Variants in FAM131A observed in about 807,000 individuals in gnomAD.
FAM131A encodes protein FAM131A.
In FAM131A, 24 loss-of-function variants were observed where a neutral mutation model predicts 39.2. The observed-to-expected ratio is 0.61, with a 90% confidence interval of 0.44 to 0.86. The LOEUF (loss-of-function observed/expected upper bound fraction) is 0.86, where lower values mean the gene tolerates loss of function less well. Among genes scored for constraint, FAM131A ranks in the 40% least tolerant of loss-of-function variants. The probability of loss-of-function intolerance (pLI) is 0.00; values close to 1 mark genes in which losing one functional copy is unlikely to be tolerated. For synonymous variants in FAM131A, 202 were observed against 206.8 expected, an observed-to-expected ratio of 0.98 and a Z score of 0.20; for missense variants, 373 against 481.2, an observed-to-expected ratio of 0.78 and a Z score of 2.10.
chr3:184,338,034 G>A (rs188470962), intron 1 of FAM131A, among the ~76,000 whole-genome samples: 6 of 150,570 alleles, frequency 4.0e-5, no homozygotes, highest in South Asian at 2.1e-4. Context: ...TGGCGGTGGT[G>A]GGGGGGACAG....
intron 3 of FAM131A, 79 bp downstream of exon 3, chr3:184,341,896 TG>T: frequency 6.5e-7 from 1 of 1,541,346 alleles, no homozygotes; most frequent in South Asian, 1.1e-5. Flanking sequence ...CTGTTTCCTG[TG>T]AGTACATGCT....
In FAM131A at chr3:184,342,911, G is replaced by T; in HGVS notation, c.625+51G>T. On this transcript the variant is annotated intron_variant, in intron 5 of 5. Coordinates refer to ENST00000383847, the MANE Select transcript of FAM131A (RefSeq NM_144635.5). This position sits in a 1 kb window ranked among gnomAD's most constrained non-coding sequence, Gnocchi z 4.6. ...GTGGTGGACCCACCTGATAGACCTT[G>T]GCATTCTTTCAGAGCCACATCCAGA... 1 of 1,497,186 alleles carries T rather than the reference G, an allele frequency of 6.7e-7. No individual in the cohort carries two copies. The highest frequency in any genetic ancestry group is 1.1e-5 in the South Asian group (1 of 88,364). 92.7% of individuals were successfully genotyped at this position (1,497,186 alleles called of 1,614,324 possible).
Position 184,342,041 on chromosome 3 carries a change from C to T in FAM131A, c.326-25C>T, listed in dbSNP as rs1553852728. 2 of 1,614,126 alleles carry T rather than the reference C, an allele frequency of 1.2e-6. No homozygotes were observed. The highest frequency in any genetic ancestry group is 1.1e-5 in the South Asian group (1 of 91,084). On this transcript the variant is annotated intron_variant, in intron 3 of 5. Coordinates refer to ENST00000383847, the MANE Select transcript of FAM131A (RefSeq NM_144635.5). This position sits in a 1 kb window ranked among gnomAD's most constrained non-coding sequence, Gnocchi z 4.6. ...CTCCCTGGCCTGGTCCTTTACCAGG[C>T]TTCTCCACCCTCCCCTATCTCCAGG...
chr3:184,341,499 A>T (rs1727376081), intron 2 of FAM131A: 2 of 582,930 alleles, frequency 3.4e-6, no homozygotes. Flanking sequence ...GATTAGCTGA[A>T]GTTTTGCTTC....
chr3:184,344,298 T>C (rs1284715920), intron 5 of FAM131A, among the ~76,000 whole-genome samples, 197 bp from the exon 6 acceptor site: 1 of 152,214 alleles, frequency 6.6e-6, no homozygotes, highest in Non-Finnish European at 1.5e-5. Flanking sequence ...TGCGAGACTC[T>C]TGTTCTTGTA....
At chr3:184,338,739 A>G (rs1330048816) in intron 2 of FAM131A, 1 of 552,546 alleles carries the variant, frequency 1.8e-6, no homozygotes, top group Admixed American at 3.7e-5. Context: ...TTCCGCGCTG[A>G]CGTCAGCGCA....
intron 5 of FAM131A, among the ~76,000 whole-genome samples, 186 bp from the exon 6 acceptor site, chr3:184,344,309 T>C (rs1282334591): frequency 1.3e-5 from 2 of 152,162 alleles, no homozygotes; most frequent in African/African-American, 2.4e-5. Context: ...TGTTCTTGTA[T>C]TGTTAGAATC....
At position 184,342,169 on chromosome 3, in the gene FAM131A, C is replaced by T. The variant is rs775837271; in HGVS notation, c.429C>T (p.Asp143=). The change falls in exon 4 of 6, where the codon GAC becomes GAT. Residue 143 remains aspartate, a synonymous_variant. Coordinates refer to ENST00000383847, the MANE Select transcript of FAM131A (RefSeq NM_144635.5). This position sits in a 1 kb window ranked among gnomAD's most constrained non-coding sequence, Gnocchi z 4.6. ...GGAAGGGCTGGAGCAAGCCGAGTGA[C>T]TCACCTGCTGCCCTGGAATCAGCCT... ...IEWKGWSKPS[D]SPAALESAFS... 1.5e-5 allele frequency: 25 copies of T among 1,614,272 alleles called. 1 individual carries two copies. In the South Asian group the frequency reaches 2.6e-4, roughly 17 times the overall value.
At position 184,344,913 on chromosome 3, in the gene FAM131A, G is replaced by C. The variant is rs1161064996; in HGVS notation, c.1044G>C (p.Leu348=). ...AACGGCAGCGGCAAGCCTCTGACCT[G>C]GCCTCTTCTGGGGTGGTGTCCTTAG... is the stretch of plus-strand genomic sequence containing the variant. ...SWERQRQASD[L]ASSGVVSLDE... is the part of the protein sequence containing the mutation. Residue 348 remains leucine (L), a synonymous_variant, in exon 6 of 6, where the codon CTG becomes CTC. Coordinates refer to ENST00000383847, the MANE Select transcript of FAM131A (RefSeq NM_144635.5). 6.2e-7 allele frequency: 1 copy of C among 1,605,596 alleles called. No individual in the cohort carries two copies. Among genetic ancestry groups the C allele is most frequent in the Non-Finnish European group, 8.5e-7 (1 of 1,179,062 alleles).
Position 184,342,052 on chromosome 3 carries a change from T to TC in FAM131A, c.326-10dup. The TC allele has an allele frequency of 6.2e-7, 1 of 1,613,930 alleles. No homozygotes were observed. Among genetic ancestry groups the TC allele is most frequent in the Non-Finnish European group, 8.5e-7 (1 of 1,179,950 alleles). On this transcript the variant is annotated splice_polypyrimidine_tract_variant and intron_variant, in intron 3 of 5. Coordinates refer to ENST00000383847, the MANE Select transcript of FAM131A (RefSeq NM_144635.5). The surrounding 1 kb of genome is among the most constrained non-coding windows in gnomAD (Gnocchi z 4.6). ...GGTCCTTTACCAGGCTTCTCCACCC[T>TC]CCCCTATCTCCAGGTATTTCCCAGG...
intron 2 of FAM131A, 177 bp downstream of exon 2, chr3:184,338,706 C>G (rs1037718470): frequency 1.3e-6 from 1 of 749,788 alleles, no homozygotes; most frequent in Non-Finnish European, 2.0e-6. Context: ...CGGCGCTGTG[C>G]CAGCAGGCGG....
intron 2 of FAM131A, 45 bp from the exon 3 acceptor site, chr3:184,341,679 C>G: frequency 6.5e-7 from 1 of 1,543,838 alleles, no homozygotes; most frequent in Non-Finnish European, 8.8e-7. Flanking sequence ...GGGGGAAGGT[C>G]ATTGCTGTCA....
At chr3:184,337,335 C>T (rs535706729), upstream of FAM131A, 88 of 301,806 alleles carry the variant, frequency 2.9e-4, no homozygotes, top group African/African-American at 1.2e-3. Context: ...AACAGCTGGC[C>T]GAGGCTCAGG....
intron 2 of FAM131A, 59 bp downstream of exon 2, chr3:184,338,588 A>T (rs1223678045): frequency 1.3e-6 from 2 of 1,511,152 alleles, no homozygotes; most frequent in East Asian, 5.0e-5. Flanking sequence ...GGGGATCTGC[A>T]GCCCCCACCC....
intron 1 of FAM131A, 89 bp from the exon 2 acceptor site, chr3:184,338,298 G>A: frequency 1.5e-6 from 2 of 1,338,936 alleles, no homozygotes; most frequent in South Asian, 1.8e-5. Flanking sequence ...TGGGGGAGGG[G>A]CCGAGAAATG....
chr3:184,338,264 A>T, intron 1 of FAM131A, 123 bp from the exon 2 acceptor site: 1 of 1,045,180 alleles, frequency 9.6e-7, no homozygotes, highest in Non-Finnish European at 1.3e-6. Flanking sequence ...GAGAGCACTC[A>T]GTGGGCGCTG....
Position 184,344,489 on chromosome 3 carries a change from TC to T in FAM131A, c.626-5del, listed in dbSNP as rs2108548757. Reference sequence around the variant, plus strand: ...AGGACTGTCTTCTTTTCTCTTCTCCTCACAGACATGGCTGGGCAGCTGCCCC... The same window carrying T: ...AGGACTGTCTTCTTTTCTCTTCTCCTACAGACATGGCTGGGCAGCTGCCCC... On this transcript the variant is annotated splice_region_variant and splice_polypyrimidine_tract_variant and intron_variant, in intron 5 of 5. Coordinates refer to ENST00000383847, the MANE Select transcript of FAM131A (RefSeq NM_144635.5). The T allele has an allele frequency of 6.6e-7, 1 of 1,518,902 alleles. No individual in the cohort carries two copies. Among genetic ancestry groups the T allele is most frequent in the East Asian group, 2.3e-5 (1 of 43,932 alleles). The allele number at this position is 1,518,902 out of a possible 1,614,324, so 94.1% of individuals were successfully genotyped here. A position where few individuals can be genotyped will look rare whatever the true frequency, so the allele number is the denominator to read the frequency against.
In FAM131A at chr3:184,345,384, T is replaced by A. The variant is rs1577294308; in HGVS notation, c.*414T>A. On this transcript the variant is annotated 3_prime_UTR_variant, in exon 6 of 6. Coordinates refer to ENST00000383847, the MANE Select transcript of FAM131A (RefSeq NM_144635.5). The stretch of plus-strand genomic sequence containing the variant: ...CTCCCCATGCCTCTCTCTTCTCTGC[T>A]TTTCTTCTCACTTCCGAGTCCATGT... 1.6e-6 allele frequency: 1 copy of A among 617,720 alleles called. No homozygotes were observed. Among genetic ancestry groups the A allele is most frequent in the East Asian group, 2.8e-5 (1 of 35,968 alleles). The allele number at this position is 617,720 out of a possible 1,614,324, so 38.3% of individuals were successfully genotyped here. A position where few individuals can be genotyped will look rare whatever the true frequency, so the allele number is the denominator to read the frequency against.
intron 5 of FAM131A, chr3:184,343,273 C>A: frequency 6.3e-6 from 1 of 157,620 alleles, no homozygotes. Context: ...AGTGCACAGC[C>A]CAGCACCTCG....
Sources: allele counts gnomAD v4.1 joint callset (sites outside exome capture counted in the v4.1 genomes callset), GRCh38; gene constraint gnomAD v4.1.1; non-coding constraint Gnocchi (gnomAD v3.1); transcripts MANE v1.5; gene names NCBI Gene and HGNC (gene_info 2026-07-23, HGNC 2026-07-21).